KCNN3: variants seen among roughly 807,000 people sequenced by gnomAD.
KCNN3 encodes small conductance calcium-activated potassium channel protein 3.
In KCNN3, 16 loss-of-function variants were observed where a neutral mutation model predicts 62.9. The observed-to-expected ratio is 0.25, with a 90% CI of 0.17 to 0.39. The LOEUF (loss-of-function observed/expected upper bound fraction) is 0.39, where lower values mean the gene tolerates loss of function less well. KCNN3 is among the 10% of genes least tolerant of loss of function. The pLI, the probability that KCNN3 is intolerant of heterozygous loss-of-function variation, is 1.00. For missense variants in KCNN3, 599 were observed against 949.4 expected, an observed-to-expected ratio of 0.63 and a Z score of 4.85; for synonymous variants, 370 against 389.2, an observed-to-expected ratio of 0.95 and a Z score of 0.58.
intron 3 of KCNN3, among the ~76,000 whole-genome samples, chr1:154,742,083 G>T (rs1269048821): frequency 6.6e-6 from 1 of 152,218 alleles, no homozygotes; most frequent in African/African-American, 2.4e-5. Flanking sequence ...CTTCGACTGT[G>T]CCTCCTTGGC....
rs1020152179 is a variant in KCNN3, at chr1:154,780,173, G to A, written c.1030-7780C>T. 2.0e-5 allele frequency among the ~76,000 whole-genome samples: 3 copies of A among 146,404 alleles called. 1 individual carries two copies. In the South Asian group the frequency reaches 6.7e-4, roughly 33 times the overall value. ...TGCAAAGGGGTAGGCATGCAGGGAA[G>A]CTTGCCTTTTTTCTTTTTTTCTTTT... On this transcript the variant is annotated intron_variant, in intron 2 of 7. Coordinates refer to ENST00000271915, the MANE Select transcript of KCNN3 (RefSeq NM_002249.6).
At chr1:154,777,656 G>A (rs910688955) in intron 2 of KCNN3, among the ~76,000 whole-genome samples, 3 of 152,196 alleles carry the variant, frequency 2.0e-5, no homozygotes, top group Non-Finnish European at 4.4e-5. Flanking sequence ...CTCGGGGAGT[G>A]TGTATGTGGC....
At chr1:154,821,281 G>A (rs1007684620) in intron 2 of KCNN3, among the ~76,000 whole-genome samples, 1 of 152,232 alleles carries the variant, frequency 6.6e-6, no homozygotes, top group Non-Finnish European at 1.5e-5. Flanking sequence ...GACCGGGATG[G>A]TTTCCAGATT....
intron 1 of KCNN3, among the ~76,000 whole-genome samples, chr1:154,858,468 A>G (rs1160801882): frequency 6.6e-6 from 1 of 152,346 alleles, no homozygotes; most frequent in African/African-American, 2.4e-5. Flanking sequence ...ATCCAGGTCT[A>G]TGGGGAAAGC....
intron 2 of KCNN3, among the ~76,000 whole-genome samples, chr1:154,808,716 A>C (rs1441288237): frequency 6.6e-6 from 1 of 151,330 alleles, no homozygotes; most frequent in Non-Finnish European, 1.5e-5. Flanking sequence ...CGCCCTGCCC[A>C]CTCCCCCGCC....
chr1:154,773,208 A>G (rs921753104), intron 2 of KCNN3, among the ~76,000 whole-genome samples: 1 of 151,798 alleles, frequency 6.6e-6, no homozygotes, highest in African/African-American at 2.4e-5. Context: ...TTGTGTTTCG[A>G]TGAGCTTCCA....
At chr1:154,745,614 A>G (rs1197888643) in intron 3 of KCNN3, among the ~76,000 whole-genome samples, 1 of 152,148 alleles carries the variant, frequency 6.6e-6, no homozygotes, top group Non-Finnish European at 1.5e-5. Flanking sequence ...CACCTTGCAA[A>G]TGGATGCACC....
At position 154,870,103 on chromosome 1, in the gene KCNN3, C is replaced by T. The variant is rs1281786798; in HGVS notation, c.-139G>A. On this transcript the variant is annotated 5_prime_UTR_variant, in exon 1 of 8. Transcript: ENST00000271915. ...CTCCAGTCCTCTCTTTGGCTTGCTT[C>T]GGTTCTCTGGGGCTGCCTGGAGTCC... 1 of 1,047,132 alleles carries T rather than the reference C, an allele frequency of 9.5e-7. No individual in the cohort carries two copies. Among genetic ancestry groups the T allele is most frequent in the Admixed American group, 2.0e-5 (1 of 50,398 alleles). The allele number at this position is 1,047,132 out of a possible 1,614,324, so 64.9% of individuals were successfully genotyped here. A position where few individuals can be genotyped will look rare whatever the true frequency, so the allele number is the denominator to read the frequency against.
At position 154,838,138 on chromosome 1, in the gene KCNN3, G is replaced by A. The variant is rs187505406; in HGVS notation, c.934-15954C>T. On this transcript the variant is annotated intron_variant, in intron 1 of 7. Transcript: ENST00000271915. The stretch of plus-strand genomic sequence containing the variant: ...GATGGACAAGTACAGAACAGAGAGT[G>A]TGGGGGCCAAACAGGAAGGCGGCCA... Among the ~76,000 whole-genome samples the A allele has an allele frequency of 3.9e-3, 589 of 152,280 alleles. 3 individuals are homozygous for A. The highest frequency in any genetic ancestry group is 6.8e-3 in the Middle Eastern group (2 of 294).
At chr1:154,850,580 T>C (rs1652262065) in intron 1 of KCNN3, among the ~76,000 whole-genome samples, 1 of 152,218 alleles carries the variant, frequency 6.6e-6, no homozygotes, top group African/African-American at 2.4e-5. Flanking sequence ...GCTTTGGACA[T>C]TTGGCGACAT....
chr1:154,794,042 C>T (rs928171446), intron 2 of KCNN3, among the ~76,000 whole-genome samples: 1 of 152,216 alleles, frequency 6.6e-6, no homozygotes, highest in African/African-American at 2.4e-5. Context: ...GTAGACAAAT[C>T]CTCTTCCCAG....
chr1:154,818,885 G>A (rs1650777771), intron 2 of KCNN3, among the ~76,000 whole-genome samples: 1 of 152,234 alleles, frequency 6.6e-6, no homozygotes, highest in Non-Finnish European at 1.5e-5. Context: ...CCTCACATGT[G>A]TGCTGGGCAG....
At chr1:154,847,943 G>T (rs374308559) in intron 1 of KCNN3, among the ~76,000 whole-genome samples, 1 of 152,198 alleles carries the variant, frequency 6.6e-6, no homozygotes, top group Non-Finnish European at 1.5e-5. Flanking sequence ...CCCCAGCTCC[G>T]ACACGAACCC....
In KCNN3 at chr1:154,772,313, C is replaced by T; in HGVS notation, c.1110G>A (p.Met370Ile). The change falls in exon 3 of 8, where the codon ATG becomes ATA. Residue 370 changes from methionine to isoleucine, a missense_variant. Met to Ile is a conservative substitution (Grantham distance 10, BLOSUM62 1). Around this residue, in one of 7 missense-constraint regions of KCNN3, gnomAD observed 288 missense variants for 557.4 expected, o/e 0.52. Coordinates refer to ENST00000271915, the MANE Select transcript of KCNN3 (RefSeq NM_002249.6). The surrounding 1 kb of genome is among the most constrained non-coding windows in gnomAD (Gnocchi z 5.6). Reference sequence around the variant, plus strand: ...GAATGGGGTGGATGGCGCACACCAGCATCTCCAGGCTGATGTACAGGATGC... The same window carrying T: ...GAATGGGGTGGATGGCGCACACCAGTATCTCCAGGCTGATGTACAGGATGC... ...YERILYISLEMLVCAIHPIPG... is the reference protein window; with the variant it reads ...YERILYISLEILVCAIHPIPG... 2 of 1,614,176 alleles carry T rather than the reference C, an allele frequency of 1.2e-6. No individual in the cohort carries two copies. Among genetic ancestry groups the T allele is most frequent in the Non-Finnish European group, 1.7e-6 (2 of 1,180,020 alleles).
chr1:154,734,810 T>C (rs1700676009), intron 3 of KCNN3, among the ~76,000 whole-genome samples: 1 of 152,170 alleles, frequency 6.6e-6, no homozygotes, highest in South Asian at 2.1e-4. Flanking sequence ...ATTTCCCAGG[T>C]AAGCAGCAGG....
At position 154,707,667 on chromosome 1, in the gene KCNN3, C is replaced by T. The variant is rs566693005; in HGVS notation, c.*309G>A. ...CAGTGCATCTGACCCCCACCCCCCG[C>T]GTGAAGACCTGAGATTGAGCGTGGA... On this transcript the variant is annotated 3_prime_UTR_variant, in exon 8 of 8. Transcript: ENST00000271915. The T allele has an allele frequency of 3.7e-5, 11 of 298,144 alleles. No homozygotes were observed. Among genetic ancestry groups the T allele is most frequent in the Admixed American group, 1.9e-4 (4 of 20,906 alleles). The allele number at this position is 298,144 out of a possible 1,614,324, so 18.5% of individuals were successfully genotyped here. A position where few individuals can be genotyped will look rare whatever the true frequency, so the allele number is the denominator to read the frequency against.
chr1:154,790,894 A>G (rs887162386), intron 2 of KCNN3, among the ~76,000 whole-genome samples: 3 of 152,224 alleles, frequency 2.0e-5, no homozygotes, highest in African/African-American at 7.2e-5. Context: ...TTGCACATCA[A>G]TATGAGTAAA....
intron 1 of KCNN3, chr1:154,859,648 C>G (rs764417412): frequency 6.3e-7 from 1 of 1,587,872 alleles, no homozygotes; most frequent in Non-Finnish European, 8.7e-7. Flanking sequence ...AACAGGTCAT[C>G]TGCTTCCTCC....
At chr1:154,749,525 T>G (rs913014461) in intron 3 of KCNN3, among the ~76,000 whole-genome samples, 1 of 152,090 alleles carries the variant, frequency 6.6e-6, no homozygotes, top group Non-Finnish European at 1.5e-5. Context: ...CCCAGAGCAG[T>G]GGGGTTCCCA....
Sources: allele counts gnomAD v4.1 joint callset (sites outside exome capture counted in the v4.1 genomes callset), GRCh38; gene constraint gnomAD v4.1.1; regional missense constraint gnomAD v4.1.1; non-coding constraint Gnocchi (gnomAD v3.1); transcripts MANE v1.5; gene names NCBI Gene and HGNC (gene_info 2026-07-23, HGNC 2026-07-21).